HDAC9: variants seen among roughly 807,000 people sequenced by gnomAD.
The protein encoded by HDAC9 is histone deacetylase 9.
Under a neutral mutation model 139.4 loss-of-function variants are expected in HDAC9, and 41 were observed. The ratio of observed to expected loss-of-function variants is 0.29; its 90% CI spans 0.23 to 0.38. HDAC9 has a LOEUF of 0.38. Among genes scored for constraint, HDAC9 ranks in the 10% least tolerant of loss-of-function variants. The pLI is 1.00. For missense variants in HDAC9, 1,147 were observed against 1,297.0 expected, an observed-to-expected ratio of 0.88 and a Z score of 1.78; for synonymous variants, 517 against 476.2, an observed-to-expected ratio of 1.09 and a Z score of -1.12.
chr7:18,156,255 G>C (rs987195245), intron 1 of HDAC9, among the ~76,000 whole-genome samples: 1 of 152,122 alleles, frequency 6.6e-6, no homozygotes, highest in Admixed American at 6.5e-5. Flanking sequence ...TCCTTTCAAT[G>C]AGCTAAGAAA....
intron 14 of HDAC9, among the ~76,000 whole-genome samples, chr7:18,760,072 T>C (rs1201511273): frequency 6.6e-6 from 1 of 152,186 alleles, no homozygotes; most frequent in East Asian, 1.9e-4. Context: ...AAAATACTGA[T>C]GTTTCACTGT....
chr7:18,667,296 T>C (rs1795112414), intron 12 of HDAC9: 3 of 984,994 alleles, frequency 3.0e-6, no homozygotes, highest in Non-Finnish European at 3.6e-6. Context: ...CAATATTGTG[T>C]CTACAATTGC....
intron 2 of HDAC9, among the ~76,000 whole-genome samples, chr7:18,554,397 G>A (rs965766686): frequency 7.2e-6 from 1 of 138,378 alleles, no homozygotes; most frequent in Non-Finnish European, 1.5e-5. Flanking sequence ...GTGCAGTGGC[G>A]CGATCTCGGC....
At chr7:18,799,560 A>C (rs10261308) in intron 17 of HDAC9, among the ~76,000 whole-genome samples, 10,145 of 152,304 alleles carry the variant, frequency 0.067, 460 homozygotes, top group African/African-American at 0.12. Flanking sequence ...CTCTATAAAC[A>C]GAATACTAAT....
At chr7:18,738,170 G>A (rs913769867) in intron 13 of HDAC9, among the ~76,000 whole-genome samples, 3 of 152,100 alleles carry the variant, frequency 2.0e-5, no homozygotes, top group African/African-American at 7.2e-5. Context: ...GGTGAGATGG[G>A]TCTCCTGAAT....
In HDAC9 at chr7:18,352,925, G is replaced by A. The variant is rs541809948; in HGVS notation, c.-42+62410G>A. On this transcript the variant is annotated intron_variant, in intron 1 of 3. Coordinates refer to the HDAC9 transcript ENST00000413509. ...ATAGGGTGTTGCAGAAGGTCAGCTC[G>A]GCGGCCAGCAAAATATCTTCCAGTA... Among the ~76,000 whole-genome samples the A allele has an allele frequency of 5.3e-5, 8 of 152,100 alleles. No individual in the cohort carries two copies. In the South Asian group the frequency reaches 1.0e-3, roughly 20 times the overall value.
chr7:18,553,816 A>G (rs988344561), intron 2 of HDAC9, among the ~76,000 whole-genome samples: 6 of 152,180 alleles, frequency 3.9e-5, no homozygotes, highest in Non-Finnish European at 8.8e-5. Context: ...AATGCCCCTG[A>G]TGGTGATGCA....
chr7:18,790,306 T>C (rs150951856), intron 16 of HDAC9, among the ~76,000 whole-genome samples: 1 of 152,302 alleles, frequency 6.6e-6, no homozygotes, highest in African/African-American at 2.4e-5. Flanking sequence ...TTTGACTACC[T>C]TTTGAAAGTA....
Position 18,762,249 on chromosome 7 carries a change from A to G in HDAC9, c.2136A>G (p.Gly712=), listed in dbSNP as rs1037193467. 1.2e-6 allele frequency: 2 copies of G among 1,613,538 alleles called. No individual in the cohort carries two copies. Among genetic ancestry groups the G allele is most frequent in the African/African-American group, 1.3e-5 (1 of 74,902 alleles). Residue 712 remains glycine (G), a synonymous_variant, in exon 15 of 26, where the codon GGA becomes GGG. Coordinates refer to ENST00000686413, the MANE Select transcript of HDAC9 (RefSeq NM_178425.4). ...TGTATGGCACCAACCCCCTGGACGG[A>G]CAGAAGCTGGACCCCAGGATACTCC... ...SLLYGTNPLD[G]QKLDPRILLG... is the part of the protein sequence containing the mutation.
chr7:18,753,996 G>A (rs1788669626), intron 14 of HDAC9, among the ~76,000 whole-genome samples: 1 of 152,080 alleles, frequency 6.6e-6, no homozygotes, highest in South Asian at 2.1e-4. Flanking sequence ...GTAAGCTATA[G>A]TGTAAATTGG....
chr7:18,141,423 G>A (rs1309297919), intron 1 of HDAC9, among the ~76,000 whole-genome samples: 1 of 152,096 alleles, frequency 6.6e-6, no homozygotes, highest in Non-Finnish European at 1.5e-5. Context: ...GGTCTCTGCT[G>A]CCTGAGCTGC....
At chr7:18,496,098 G>T in intron 1 of HDAC9, 75 bp downstream of exon 1, 1 of 1,405,210 alleles carries the variant, frequency 7.1e-7, no homozygotes, top group South Asian at 1.4e-5. Context: ...AATCATTGTC[G>T]AAGTTGATCC....
chr7:18,300,300 G>A (rs888736155), intron 1 of HDAC9, among the ~76,000 whole-genome samples: 2 of 151,892 alleles, frequency 1.3e-5, no homozygotes, highest in Non-Finnish European at 2.9e-5. Flanking sequence ...AAGATTGGAC[G>A]CTCCTGCTCT....
At chr7:18,726,023 T>G (rs1785519037) in intron 12 of HDAC9, among the ~76,000 whole-genome samples, 1 of 152,220 alleles carries the variant, frequency 6.6e-6, no homozygotes, top group Admixed American at 6.5e-5. Context: ...AACATACACA[T>G]TAGTTATAAC....
intron 1 of HDAC9, among the ~76,000 whole-genome samples, chr7:18,406,428 T>A (rs1034823576): frequency 1.3e-5 from 2 of 152,158 alleles, no homozygotes; most frequent in Non-Finnish European, 2.9e-5. Flanking sequence ...AGTCTCGCTC[T>A]GTCGCCCGGG....
intron 1 of HDAC9, among the ~76,000 whole-genome samples, chr7:18,403,766 G>C (rs1585653055): frequency 6.6e-6 from 1 of 152,178 alleles, no homozygotes; most frequent in African/African-American, 2.4e-5. Context: ...TTGCTTTATA[G>C]ATCAAGACAT....
At chr7:18,953,274 T>C (rs1782929132) in intron 23 of HDAC9, among the ~76,000 whole-genome samples, 1 of 152,132 alleles carries the variant, frequency 6.6e-6, no homozygotes, top group Non-Finnish European at 1.5e-5. Flanking sequence ...ACTATTACTT[T>C]ATTTGCTTTT....
intron 1 of HDAC9, among the ~76,000 whole-genome samples, chr7:18,361,771 C>G (rs1365644594): frequency 6.6e-6 from 1 of 151,944 alleles, no homozygotes; most frequent in African/African-American, 2.4e-5. Flanking sequence ...TGTCCATAGT[C>G]CACAAAACAC....
chr7:18,543,073 T>G (rs915523550), intron 2 of HDAC9: 1 of 152,182 alleles, frequency 6.6e-6, no homozygotes, highest in African/African-American at 2.4e-5. Flanking sequence ...AATAGAAATA[T>G]TTAAGTGTGC....
Sources: allele counts gnomAD v4.1 joint callset (sites outside exome capture counted in the v4.1 genomes callset), GRCh38; gene constraint gnomAD v4.1.1; transcripts MANE v1.5; gene names NCBI Gene and HGNC (gene_info 2026-07-23, HGNC 2026-07-21).